The following C3orf52 variants were observed in gnomAD, a reference collection of about 807,000 sequenced individuals.
C3orf52 encodes the protein chromosome 3 open reading frame 52.
C3orf52 carries 22 observed loss-of-function variants against 24.8 expected under a neutral mutation model. The observed-to-expected ratio is 0.89, with a 90% CI of 0.63 to 1.27. The LOEUF (loss-of-function observed/expected upper bound fraction) is 1.27. Ranked by LOEUF, C3orf52 falls within the 50% of genes most tolerant of loss-of-function variation. The probability of loss-of-function intolerance (pLI) is 0.00; values close to 1 mark genes in which losing one functional copy is unlikely to be tolerated. For missense variants in C3orf52, 265 were observed against 260.7 expected, an observed-to-expected ratio of 1.02 and a Z score of -0.11; for synonymous variants, 93 against 100.2, an observed-to-expected ratio of 0.93 and a Z score of 0.43.
downstream of C3orf52, chr3:112,120,791 A>C (rs1427161750): frequency 2.0e-5 from 3 of 152,242 alleles, no homozygotes; most frequent in East Asian, 5.8e-4. Flanking sequence ...ATTAGAAATC[A>C]TGAAATGTAG....
In C3orf52 at chr3:112,086,905, G is replaced by A. The variant is rs9881239; in HGVS notation, c.138+360G>A. Among the ~76,000 whole-genome samples the A allele has an allele frequency of 9.6e-3, 1,464 of 152,300 alleles. 21 individuals are homozygous for A. The highest frequency in any genetic ancestry group is 0.033 in the African/African-American group (1,363 of 41,548). On this transcript the variant is annotated intron_variant, in intron 1 of 5. Transcript: ENST00000264848. Reference sequence around the variant, plus strand: ...TTCTTTTTTCCAGTAGGGAGAATGAGAATGACAAATTGAGTATCCTCCTTC... The same window carrying A: ...TTCTTTTTTCCAGTAGGGAGAATGAAAATGACAAATTGAGTATCCTCCTTC...
In C3orf52 at chr3:112,113,125, C is replaced by T. The variant is rs2074102070; in HGVS notation, c.629C>T (p.Pro210Leu). Reference sequence around the variant, plus strand: ...GGTTGTGAGAGTCTGGGGCTTGATCCAACATCCCTCTTGCTCTATGGTAAG... The same window carrying T: ...GGTTGTGAGAGTCTGGGGCTTGATCTAACATCCCTCTTGCTCTATGGTAAG... Reference protein sequence around the residue: ...IPGCESLGLDPTSLLLYE With the variant: ...IPGCESLGLDLTSLLLYE The change falls in exon 5 of 6, where the codon CCA becomes CTA. Residue 210 changes from proline to leucine, a missense_variant. Coordinates refer to ENST00000264848, the MANE Select transcript of C3orf52 (RefSeq NM_024616.3). 1.2e-6 allele frequency: 2 copies of T among 1,608,270 alleles called. No homozygotes were observed. Among genetic ancestry groups the T allele is most frequent in the Non-Finnish European group, 1.7e-6 (2 of 1,177,550 alleles).
At chr3:112,098,397 G>A (rs1559971330) in intron 2 of C3orf52, among the ~76,000 whole-genome samples, 2 of 152,160 alleles carry the variant, frequency 1.3e-5, no homozygotes, top group Non-Finnish European at 2.9e-5. Context: ...CTTCAGCTTC[G>A]TGACTTTTCA....
intron 1 of C3orf52, among the ~76,000 whole-genome samples, chr3:112,091,997 C>A (rs1230057558): frequency 7.7e-6 from 1 of 130,518 alleles, no homozygotes; most frequent in African/African-American, 2.9e-5. Context: ...GAGCGAGACT[C>A]CATCTCAAGA....
At chr3:112,127,021 G>A in intron 4 of C3orf52, 1 of 1,584,814 alleles carries the variant, frequency 6.3e-7, no homozygotes, top group Non-Finnish European at 8.6e-7. Context: ...TTTCAAAAAT[G>A]AGTATTTTTT....
intron 4 of C3orf52, among the ~76,000 whole-genome samples, chr3:112,127,602 G>A (rs186884061): frequency 1.1e-4 from 16 of 152,274 alleles, no homozygotes; most frequent in Admixed American, 1.0e-3. Flanking sequence ...ATCACTTAGC[G>A]AGCTTTAACT....
At chr3:112,120,150 C>T (rs1157608794), downstream of C3orf52, among the ~76,000 whole-genome samples, 4 of 152,186 alleles carry the variant, frequency 2.6e-5, no homozygotes, top group South Asian at 2.1e-4. Flanking sequence ...GGAAAGTAGA[C>T]GGAATTTACA....
At chr3:112,091,776 G>A (rs1211628566) in intron 1 of C3orf52, among the ~76,000 whole-genome samples, 5 of 152,124 alleles carry the variant, frequency 3.3e-5, no homozygotes, top group East Asian at 3.9e-4. Context: ...AGGTTGAGGC[G>A]GGAGGATCAC....
At chr3:112,114,770 G>A (rs1339983475) in intron 5 of C3orf52, among the ~76,000 whole-genome samples, 1 of 152,162 alleles carries the variant, frequency 6.6e-6, no homozygotes, top group South Asian at 2.1e-4. Context: ...ATGCCTGTGG[G>A]GGCTGCTGCT....
chr3:112,123,819 G>T, intron 4 of C3orf52: 1 of 1,571,782 alleles, frequency 6.4e-7, no homozygotes, highest in South Asian at 1.2e-5. Flanking sequence ...CTCTTGCCAT[G>T]ACCTTTACAT....
Position 112,116,949 on chromosome 3 carries a change from T to C in C3orf52, c.*303T>C, listed in dbSNP as rs1466808105. ...AGGTCACTGGTATTCTGTTTGTTTT[T>C]GTTTTGTTTCGTTTTGTTTTTTGAG... On this transcript the variant is annotated 3_prime_UTR_variant, in exon 6 of 6. Coordinates refer to ENST00000264848, the MANE Select transcript of C3orf52 (RefSeq NM_024616.3). The C allele has an allele frequency of 2.6e-6, 4 of 1,530,152 alleles. No homozygotes were observed. The highest frequency in any genetic ancestry group is 2.4e-5 in the South Asian group (2 of 83,900). The allele number at this position is 1,530,152 out of a possible 1,614,324, so 94.8% of individuals were successfully genotyped here.
At chr3:112,112,688 C>G in intron 4 of C3orf52, 1 of 426,150 alleles carries the variant, frequency 2.3e-6, no homozygotes, top group South Asian at 2.2e-5. Context: ...TGGAGATGGG[C>G]ACCTCTACCT....
downstream of C3orf52, chr3:112,119,549 C>T: frequency 1.4e-6 from 1 of 702,804 alleles, no homozygotes; most frequent in Non-Finnish European, 2.6e-6. Flanking sequence ...ATGTTCGTGT[C>T]TTCTTAGGAT....
downstream of C3orf52, chr3:112,132,898 G>T: frequency 1.8e-6 from 1 of 565,118 alleles, no homozygotes; most frequent in Non-Finnish European, 3.0e-6. Flanking sequence ...TGATTCTTGG[G>T]AGAAGGCAAA....
At chr3:112,115,771 T>C (rs1559976670) in intron 5 of C3orf52, among the ~76,000 whole-genome samples, 1 of 152,196 alleles carries the variant, frequency 6.6e-6, no homozygotes, top group Non-Finnish European at 1.5e-5. Context: ...TTGCTTCTCA[T>C]TCTCTAATTT....
chr3:112,112,901 A>T, intron 4 of C3orf52, 63 bp from the exon 5 acceptor site: 1 of 1,367,456 alleles, frequency 7.3e-7, no homozygotes, highest in Non-Finnish European at 1.0e-6. Flanking sequence ...TTATTGCTTA[A>T]ATTCATTTCT....
chr3:112,105,778 G>A (rs1398873781), intron 3 of C3orf52, among the ~76,000 whole-genome samples: 5 of 148,942 alleles, frequency 3.4e-5, no homozygotes, highest in South Asian at 2.1e-4. Context: ...AGCCGAGACC[G>A]TGCCACTGCA....
chr3:112,100,476 T>A (rs934421655), intron 2 of C3orf52, among the ~76,000 whole-genome samples: 9 of 152,256 alleles, frequency 5.9e-5, no homozygotes, highest in Non-Finnish European at 1.3e-4. Flanking sequence ...CACACACAAC[T>A]ATTTAGATAG....
chr3:112,102,494 G>C (rs921251781), intron 2 of C3orf52, among the ~76,000 whole-genome samples: 2 of 152,112 alleles, frequency 1.3e-5, no homozygotes, highest in African/African-American at 4.8e-5. Flanking sequence ...CCCAGTACCT[G>C]CCTTGACACC....
Sources: gnomAD v4.1 joint callset for allele counts (sites outside exome capture counted in the v4.1 genomes callset) on GRCh38, gnomAD v4.1.1 for gene constraint, MANE v1.5 for transcripts, NCBI Gene and HGNC (gene_info 2026-07-23, HGNC 2026-07-21) for gene names.